Variants in CHSY1 observed in about 807,000 individuals in gnomAD.
CHSY1 encodes the protein N-acetylgalactosaminyl-proteoglycan 3-beta-glucuronosyltransferase 1.
CHSY1 carries 13 observed loss-of-function variants against 59.8 expected under a neutral mutation model. The ratio of observed to expected loss-of-function variants is 0.22; its 90% CI spans 0.14 to 0.35. CHSY1 has a LOEUF of 0.35. Among genes scored for constraint, CHSY1 ranks in the 10% least tolerant of loss-of-function variants. The probability of loss-of-function intolerance (pLI) is 1.00; values close to 1 mark genes in which losing one functional copy is unlikely to be tolerated. For synonymous variants in CHSY1, 459 were observed against 401.2 expected (o/e 1.14, Z -1.72); for missense variants, 947 against 1,030.6 (o/e 0.92, Z 1.11).
At chr15:101,205,883 C>A (rs375643586) in intron 2 of CHSY1, among the ~76,000 whole-genome samples, 1 of 151,622 alleles carries the variant, frequency 6.6e-6, no homozygotes, top group Admixed American at 6.6e-5. Context: ...ACCCAGGAGG[C>A]GGAGCTTGCA....
rs746145876 is a variant in CHSY1, at chr15:101,251,183, T to C, written c.274A>G (p.Met92Val). The C allele has an allele frequency of 2.5e-6, 4 of 1,600,782 alleles. No homozygotes were observed. The highest frequency in any genetic ancestry group is 4.5e-5 in the East Asian group (2 of 44,602). Reference protein sequence around the residue: ...RDRNFLFVGVMTAQKYLQTRA... With the variant: ...RDRNFLFVGVVTAQKYLQTRA... Reference sequence around the variant, plus strand: ...GTCTGCAGGTATTTCTGGGCGGTCATGACTCCCACGAAGAGAAAGTTCCTG... The same window carrying C: ...GTCTGCAGGTATTTCTGGGCGGTCACGACTCCCACGAAGAGAAAGTTCCTG... Residue 92 changes from methionine (M) to valine (V), a missense_variant, in exon 1 of 3, where the codon ATG becomes GTG. By Grantham distance (21) the Met-to-Val change is conservative. Coordinates refer to ENST00000254190, the MANE Select transcript of CHSY1 (RefSeq NM_014918.5).
chr15:101,235,704 G>T, intron 1 of CHSY1, 127 bp from the exon 2 acceptor site: 1 of 1,034,860 alleles, frequency 9.7e-7, no homozygotes, highest in Non-Finnish European at 1.4e-6. Context: ...GGCCTGCTTG[G>T]TTCCTCTTAA....
chr15:101,193,890 T>C (rs111330820), intron 2 of CHSY1, among the ~76,000 whole-genome samples: 41 of 152,332 alleles, frequency 2.7e-4, no homozygotes, highest in Middle Eastern at 3.4e-3. Flanking sequence ...ACATCACTTC[T>C]GCTTGGTGAG....
intron 1 of CHSY1, among the ~76,000 whole-genome samples, chr15:101,241,331 C>T (rs1360726172): frequency 3.3e-5 from 5 of 152,190 alleles, no homozygotes; most frequent in African/African-American, 7.2e-5. Flanking sequence ...CCTTGTGATC[C>T]GCCCACCTCG....
chr15:101,248,796 C>CT (rs1006930794), intron 1 of CHSY1, among the ~76,000 whole-genome samples: 8 of 151,744 alleles, frequency 5.3e-5, no homozygotes, highest in East Asian at 1.9e-4. Flanking sequence ...TACTTATTTT[C>CT]TTTTTTTTGA....
At chr15:101,218,785 C>G (rs980712890) in intron 2 of CHSY1, among the ~76,000 whole-genome samples, 5 of 152,180 alleles carry the variant, frequency 3.3e-5, no homozygotes, top group African/African-American at 1.2e-4. Context: ...GGCCCAACAG[C>G]TGTCACTTGA....
At chr15:101,222,441 C>T (rs769114492) in intron 2 of CHSY1, among the ~76,000 whole-genome samples, 1 of 152,216 alleles carries the variant, frequency 6.6e-6, no homozygotes, top group Non-Finnish European at 1.5e-5. Flanking sequence ...TCCCACTTGA[C>T]TATGCTACAC....
chr15:101,193,642 T>G (rs1485552391), intron 2 of CHSY1, among the ~76,000 whole-genome samples: 1 of 152,212 alleles, frequency 6.6e-6, no homozygotes, highest in Non-Finnish European at 1.5e-5. Flanking sequence ...GAAATGACTA[T>G]TCACAGTTTC....
intron 2 of CHSY1, among the ~76,000 whole-genome samples, chr15:101,221,472 G>GTC (rs960106098): frequency 3.3e-5 from 5 of 152,002 alleles, no homozygotes; most frequent in African/African-American, 4.8e-5. Flanking sequence ...GGTTGAGAGT[G>GTC]TCTCTCTCTC....
chr15:101,216,308 C>T (rs2038731609), intron 2 of CHSY1, among the ~76,000 whole-genome samples: 1 of 152,174 alleles, frequency 6.6e-6, no homozygotes, highest in South Asian at 2.1e-4. Context: ...ATGCAAAATG[C>T]TACAGACACT....
intron 2 of CHSY1, among the ~76,000 whole-genome samples, chr15:101,226,589 C>T (rs1236989976): frequency 6.6e-6 from 1 of 152,058 alleles, no homozygotes; most frequent in African/African-American, 2.4e-5. Flanking sequence ...CACTCTGCCT[C>T]GTCACTCCAC....
At chr15:101,189,396 T>C (rs13329644) in intron 2 of CHSY1, 338,383 of 976,250 alleles carry the variant, frequency 0.35, 64,257 homozygotes, top group African/African-American at 0.7. Context: ...AAGCACAAAC[T>C]AAATCAAAAA....
chr15:101,204,500 G>C (rs564495492), intron 2 of CHSY1, among the ~76,000 whole-genome samples: 2 of 151,338 alleles, frequency 1.3e-5, no homozygotes, highest in East Asian at 3.9e-4. Context: ...TGATAAAGCT[G>C]ATGTGGTAAA....
intron 2 of CHSY1, among the ~76,000 whole-genome samples, chr15:101,203,449 G>A (rs184342891): frequency 1.8e-3 from 276 of 150,162 alleles, no homozygotes; most frequent in Non-Finnish European, 3.1e-3. Context: ...CCCCATATAC[G>A]GCTGCTCAAC....
At chr15:101,196,240 A>C (rs2038505830) in intron 2 of CHSY1, among the ~76,000 whole-genome samples, 1 of 152,046 alleles carries the variant, frequency 6.6e-6, no homozygotes, top group South Asian at 2.1e-4. Flanking sequence ...AAAAAAAAAA[A>C]AAAAAACATA....
At chr15:101,232,336 C>T (rs998303898) in intron 2 of CHSY1, among the ~76,000 whole-genome samples, 1 of 152,098 alleles carries the variant, frequency 6.6e-6, no homozygotes, top group Non-Finnish European at 1.5e-5. Context: ...CTCATCCACA[C>T]GAAGGATTAA....
At chr15:101,187,699 G>A (rs2038388623) in intron 2 of CHSY1, 1 of 152,084 alleles carries the variant, frequency 6.6e-6, no homozygotes, top group Non-Finnish European at 1.5e-5. Context: ...AGTATTCCTT[G>A]CTTAAAAAAA....
At position 101,178,026 on chromosome 15, in the gene CHSY1, G is replaced by T; in HGVS notation, c.1771C>A (p.Arg591Ser). Residue 591 changes from arginine to serine, a missense_variant, in exon 3 of 3, where the codon CGC becomes AGC. Physicochemically the swap from Arg to Ser is moderately radical, Grantham distance 110. Transcript: ENST00000254190. ...ATGTCGGCTTTAGGGTACTTAATGC[G>T]GTAATCTCTCATCAGTTCAACTTGT... ...AKQVELMRDY[R>S]IKYPKADMQI... is the part of the protein sequence containing the mutation. 1 of 1,614,156 alleles carries T rather than the reference G, an allele frequency of 6.2e-7. No individual in the cohort carries two copies. The highest frequency in any genetic ancestry group is 2.2e-5 in the East Asian group (1 of 44,886).
chr15:101,192,724 T>C (rs2141248121), intron 2 of CHSY1, among the ~76,000 whole-genome samples: 1 of 42,072 alleles, frequency 2.4e-5, no homozygotes, highest in South Asian at 7.1e-4. Flanking sequence ...GAGCCTGGCA[T>C]TGATGTATTC....
Sources: allele counts gnomAD v4.1 joint callset (sites outside exome capture counted in the v4.1 genomes callset), GRCh38; gene constraint gnomAD v4.1.1; transcripts MANE v1.5; gene names NCBI Gene and HGNC (gene_info 2026-07-23, HGNC 2026-07-21).